The following SLC22A15 variants were observed in gnomAD, a reference collection of about 807,000 sequenced individuals.
SLC22A15 encodes flipt 1.
SLC22A15 carries 45 observed loss-of-function variants against 62.7 expected under a neutral mutation model. The ratio of observed to expected loss-of-function variants is 0.72; its 90% CI spans 0.56 to 0.92. SLC22A15 has a LOEUF of 0.92. Ranked by LOEUF, SLC22A15 falls within the 40% of genes least tolerant of loss-of-function variation. SLC22A15 has a pLI of 0.00. For missense variants in SLC22A15, 622 were observed against 665.6 expected (o/e 0.93, Z 0.72); for synonymous variants, 264 against 267.0 (o/e 0.99, Z 0.11).
intron 8 of SLC22A15, among the ~76,000 whole-genome samples, chr1:116,043,352 G>A (rs770972388): frequency 2.5e-4 from 38 of 152,276 alleles, no homozygotes; most frequent in Non-Finnish European, 4.3e-4. Context: ...CTTGAACCCG[G>A]GAGGTGGAGG....
intron 8 of SLC22A15, among the ~76,000 whole-genome samples, chr1:116,061,301 A>G (rs1431598208): frequency 6.6e-6 from 1 of 152,204 alleles, no homozygotes; most frequent in Non-Finnish European, 1.5e-5. Flanking sequence ...TGGAGGTTGA[A>G]GGAAAGAGAG....
intron 2 of SLC22A15, among the ~76,000 whole-genome samples, chr1:116,000,885 G>T (rs902149392): frequency 2.0e-5 from 3 of 151,988 alleles, no homozygotes; most frequent in Admixed American, 2.0e-4. Context: ...GCCTGCCTTG[G>T]CCTCCCAAAG....
intron 8 of SLC22A15, among the ~76,000 whole-genome samples, chr1:116,046,252 T>G (rs1447203078): frequency 1.3e-5 from 2 of 152,146 alleles, no homozygotes; most frequent in African/African-American, 4.8e-5. Flanking sequence ...ATTCATGACC[T>G]AGACTTCATA....
At chr1:116,061,705 A>G (rs1476729881) in intron 8 of SLC22A15, among the ~76,000 whole-genome samples, 4 of 152,190 alleles carry the variant, frequency 2.6e-5, no homozygotes, top group Non-Finnish European at 4.4e-5. Flanking sequence ...AAATCATTAA[A>G]TTGTAGAATC....
chr1:115,977,635 A>G (rs906434257), intron 1 of SLC22A15, among the ~76,000 whole-genome samples: 17 of 152,230 alleles, frequency 1.1e-4, no homozygotes, highest in Non-Finnish European at 1.5e-5. Context: ...TGTGCTGAAC[A>G]TAGGGATGCC....
rs530390174 is a variant in SLC22A15, at chr1:116,032,578, C to G, written c.944+997C>G. ...TTTTTCTATATCATATACTCTTTTT[C>G]TACCCAAGCAGTGGCTGCCACCTGT... On this transcript the variant is annotated intron_variant, in intron 6 of 11. Coordinates refer to ENST00000369503, the MANE Select transcript of SLC22A15 (RefSeq NM_018420.3). 1.5e-3 allele frequency: 1,504 copies of G among 985,378 alleles called. 1 individual carries two copies. The highest frequency in any genetic ancestry group is 2.1e-3 in the African/African-American group (120 of 57,340). The allele number at this position is 985,378 out of a possible 1,614,324, so 61.0% of individuals were successfully genotyped here. A position where few individuals can be genotyped will look rare whatever the true frequency, so the allele number is the denominator to read the frequency against.
At chr1:116,035,360 G>A (rs1935828) in intron 7 of SLC22A15, 33 bp downstream of exon 7, 1,583,465 of 1,595,028 alleles carry the variant, frequency 0.99, 786,533 homozygotes, top group East Asian at 1. Context: ...GAAGTGCACC[G>A]TAGAGAATGC....
chr1:116,025,106 A>G (rs80120416), intron 4 of SLC22A15, among the ~76,000 whole-genome samples: 2,752 of 152,286 alleles, frequency 0.018, 36 homozygotes, highest in Middle Eastern at 0.065. Context: ...TGTTTCACCA[A>G]TAAGAAAACT....
In SLC22A15 at chr1:116,026,343, G is replaced by A. The variant is rs118163534; in HGVS notation, c.599-550G>A. 5.3e-4 allele frequency among the ~76,000 whole-genome samples: 80 copies of A among 152,002 alleles called. No individual in the cohort carries two copies. In the East Asian group the frequency reaches 0.01, roughly 20 times the overall value. ...CTGAGGCAGAGAATTGCTTGAACCC[G>A]GGAGCCTGGGAGGTGGAGGTTGTAA... On this transcript the variant is annotated intron_variant, in intron 4 of 11. Coordinates refer to ENST00000369503, the MANE Select transcript of SLC22A15 (RefSeq NM_018420.3).
intron 2 of SLC22A15, among the ~76,000 whole-genome samples, chr1:116,001,394 C>A (rs1005138711): frequency 5.3e-5 from 8 of 152,164 alleles, no homozygotes; most frequent in African/African-American, 1.7e-4. Flanking sequence ...ATGGAAAGTT[C>A]TGTTATTATC....
chr1:116,043,295 G>A (rs1657839417), intron 8 of SLC22A15, among the ~76,000 whole-genome samples: 2 of 152,198 alleles, frequency 1.3e-5, no homozygotes, highest in Middle Eastern at 3.4e-3. Context: ...TCATGGTGGT[G>A]TGCACCTGTA....
rs1054443168 is a variant in SLC22A15, at chr1:116,069,938, A to C, written c.*2830A>C. 1.3e-5 allele frequency: 2 copies of C among 152,196 alleles called. No homozygotes were observed. Among genetic ancestry groups the C allele is most frequent in the Non-Finnish European group, 2.9e-5 (2 of 68,002 alleles). The allele number at this position is 152,196 out of a possible 1,614,324, so 9.4% of individuals were successfully genotyped here. A position where few individuals can be genotyped will look rare whatever the true frequency, so the allele number is the denominator to read the frequency against. On this transcript the variant is annotated 3_prime_UTR_variant, in exon 12 of 12. Coordinates refer to ENST00000369503, the MANE Select transcript of SLC22A15 (RefSeq NM_018420.3). The stretch of plus-strand genomic sequence containing the variant: ...TTCACATTAGGACTTCTCCATACAA[A>C]TGCTTTATCATTGGTTCTTAAATTG...
At position 116,062,784 on chromosome 1, in the gene SLC22A15, G is replaced by T; in HGVS notation, c.1194G>T (p.Val398=). The T allele has an allele frequency of 6.2e-7, 1 of 1,613,890 alleles. No individual in the cohort carries two copies. The highest frequency in any genetic ancestry group is 8.5e-7 in the Non-Finnish European group (1 of 1,179,820). Reference sequence around the variant, plus strand: ...CAGACACAGGTGTGTTTGCAGTGGTGAACAGCCATTCCTTGTCCTTGCTGG... The same window carrying T: ...CAGACACAGGTGTGTTTGCAGTGGTTAACAGCCATTCCTTGTCCTTGCTGG... ...EKKDTGVFAV[V]NSHSLSLLGK... is the part of the protein sequence containing the mutation. The change falls in exon 9 of 12, where the codon GTG becomes GTT. Residue 398 remains valine, a synonymous_variant. Transcript: ENST00000369503.
rs995152445 is a variant in SLC22A15 at position 116,069,001 on chromosome 1, G to A, written c.*1893G>A. The A allele has an allele frequency of 4.6e-5, 7 of 152,020 alleles. No homozygotes were observed. The highest frequency in any genetic ancestry group is 7.2e-5 in the African/African-American group (3 of 41,400). The allele number at this position is 152,020 out of a possible 1,614,324, so 9.4% of individuals were successfully genotyped here. A position where few individuals can be genotyped will look rare whatever the true frequency, so the allele number is the denominator to read the frequency against. ...ACGTATCACCCATACGTCCAACATC[G>A]AAAGAAAACCAGTGTTATGACTTTG... On this transcript the variant is annotated 3_prime_UTR_variant, in exon 12 of 12. Coordinates refer to ENST00000369503, the MANE Select transcript of SLC22A15 (RefSeq NM_018420.3).
At chr1:115,987,314 T>C (rs533818856) in intron 1 of SLC22A15, among the ~76,000 whole-genome samples, 2 of 152,076 alleles carry the variant, frequency 1.3e-5, no homozygotes, top group Non-Finnish European at 2.9e-5. Flanking sequence ...TACAGGCGCC[T>C]GCCACCACGC....
chr1:116,047,271 A>T (rs1657950916), intron 8 of SLC22A15, among the ~76,000 whole-genome samples: 1 of 152,132 alleles, frequency 6.6e-6, no homozygotes, highest in African/African-American at 2.4e-5. Flanking sequence ...TCCTAAAAAT[A>T]TAAAAATTAG....
intron 2 of SLC22A15, among the ~76,000 whole-genome samples, chr1:116,000,994 T>G (rs1027894207): frequency 5.3e-5 from 8 of 152,196 alleles, no homozygotes; most frequent in East Asian, 3.9e-4. Flanking sequence ...AGAACTCTCT[T>G]TAGCATTTCT....
chr1:115,996,495 A>G (rs971157020), intron 2 of SLC22A15, among the ~76,000 whole-genome samples: 18 of 151,586 alleles, frequency 1.2e-4, no homozygotes, highest in African/African-American at 4.4e-4. Context: ...TCAATGTTTC[A>G]TATCTTTACT....
intron 1 of SLC22A15, among the ~76,000 whole-genome samples, chr1:115,981,172 A>G (rs4839509): frequency 0.42 from 63,489 of 152,092 alleles, 15,906 homozygotes; most frequent in Non-Finnish European, 0.57. Flanking sequence ...TGGCATAAGC[A>G]AGTGATGAAG....
Sources: allele counts gnomAD v4.1 joint callset (sites outside exome capture counted in the v4.1 genomes callset), GRCh38; gene constraint gnomAD v4.1.1; transcripts MANE v1.5; gene names NCBI Gene and HGNC (gene_info 2026-07-23, HGNC 2026-07-21).